KCNT2: variants seen among roughly 807,000 people sequenced by gnomAD.
KCNT2 encodes the protein potassium sodium-activated channel subfamily T member 2.
KCNT2 carries 67 observed loss-of-function variants against 153.8 expected under a neutral mutation model. That is an observed-to-expected ratio of 0.44 (90% CI 0.36 to 0.53). The LOEUF is 0.53. KCNT2 is among the 20% of genes least tolerant of loss of function. KCNT2 has a pLI of 0.00. For missense variants in KCNT2, 975 were observed against 1,354.8 expected, an observed-to-expected ratio of 0.72 and a Z score of 4.40; for synonymous variants, 500 against 458.8, an observed-to-expected ratio of 1.09 and a Z score of -1.15.
At chr1:196,525,566 T>C (rs1654067945) in intron 1 of KCNT2, among the ~76,000 whole-genome samples, 1 of 152,212 alleles carries the variant, frequency 6.6e-6, no homozygotes, top group Non-Finnish European at 1.5e-5. Context: ...AATCTGTATA[T>C]GGGCCTGCTC....
chr1:196,285,019 A>G (rs1392690375), intron 23 of KCNT2, among the ~76,000 whole-genome samples: 2 of 152,216 alleles, frequency 1.3e-5, no homozygotes, highest in African/African-American at 4.8e-5. Flanking sequence ...GATTACTTGA[A>G]TCAGAAAAAA....
chr1:196,518,846 G>A (rs1652961976), intron 1 of KCNT2, among the ~76,000 whole-genome samples: 1 of 152,090 alleles, frequency 6.6e-6, no homozygotes, highest in Non-Finnish European at 1.5e-5. Context: ...AATAGCGGGA[G>A]ACATCAACAC....
intron 1 of KCNT2, among the ~76,000 whole-genome samples, chr1:196,574,810 TA>T (rs943531007): frequency 2.0e-5 from 3 of 151,974 alleles, no homozygotes; most frequent in African/African-American, 7.2e-5. Context: ...ATTACAATCT[TA>T]AAACATACAT....
chr1:196,396,652 A>T (rs1218072068), intron 13 of KCNT2, among the ~76,000 whole-genome samples: 1 of 151,686 alleles, frequency 6.6e-6, no homozygotes, highest in Non-Finnish European at 1.5e-5. Context: ...AGATCCTCTG[A>T]AATGTAATCT....
chr1:196,421,301 G>C (rs552124991), intron 12 of KCNT2, among the ~76,000 whole-genome samples: 1 of 152,034 alleles, frequency 6.6e-6, no homozygotes, highest in Middle Eastern at 3.4e-3. Context: ...ACATTACAAA[G>C]GGTACTCTAG....
At chr1:196,517,409 C>A (rs1196959462) in intron 1 of KCNT2, among the ~76,000 whole-genome samples, 1 of 152,176 alleles carries the variant, frequency 6.6e-6, no homozygotes, top group Non-Finnish European at 1.5e-5. Context: ...GACAAGGGTT[C>A]TTAACCAGCC....
Position 196,326,759 on chromosome 1 carries a change from G to T in KCNT2, c.2234C>A (p.Pro745Gln). The change falls in exon 19 of 28, where the codon CCA becomes CAA. Residue 745 changes from proline to glutamine, a missense_variant. By Grantham distance (76) the Pro-to-Gln change is moderately conservative. Coordinates refer to ENST00000294725, the MANE Select transcript of KCNT2 (RefSeq NM_198503.5). The stretch of plus-strand genomic sequence containing the variant: ...TACTATGGGATTAAGTTCTTTCTTT[G>T]GTCTATAATATGCCCTGAGAGGAAC... ...FIVPLRAYYR[P>Q]KKELNPIVLL... The T allele has an allele frequency of 1.9e-6, 3 of 1,559,162 alleles. No individual in the cohort carries two copies. Among genetic ancestry groups the T allele is most frequent in the Non-Finnish European group, 2.6e-6 (3 of 1,159,308 alleles).
chr1:196,380,117 A>C (rs1433247231), intron 13 of KCNT2, among the ~76,000 whole-genome samples: 1 of 152,216 alleles, frequency 6.6e-6, no homozygotes, highest in Non-Finnish European at 1.5e-5. Context: ...AAGAATGCTC[A>C]TGTGTATGCC....
At chr1:196,435,528 T>C (rs564512525) in intron 8 of KCNT2, among the ~76,000 whole-genome samples, 1 of 151,774 alleles carries the variant, frequency 6.6e-6, no homozygotes, top group East Asian at 2.0e-4. Context: ...ATAAGATATA[T>C]TTATTTTAGT....
At chr1:196,408,898 C>G (rs541584522) in intron 12 of KCNT2, among the ~76,000 whole-genome samples, 11 of 151,444 alleles carry the variant, frequency 7.3e-5, no homozygotes, top group Admixed American at 5.3e-4. Context: ...ATAGTGTGTT[C>G]AAGTTTGTTA....
At chr1:196,258,652 TA>T in intron 25 of KCNT2, 158 bp from the exon 26 acceptor site, 1 of 693,918 alleles carries the variant, frequency 1.4e-6, no homozygotes, top group Non-Finnish European at 2.5e-6. Flanking sequence ...TTTCCATTAC[TA>T]AAAATATTAA....
chr1:196,243,955 G>A (rs1430836519), intron 26 of KCNT2, among the ~76,000 whole-genome samples: 3 of 151,898 alleles, frequency 2.0e-5, no homozygotes, highest in East Asian at 2.0e-4. Flanking sequence ...TGCTTGAGGG[G>A]ACGAAAGAGT....
In KCNT2 at chr1:196,571,761, AT is replaced by A. The variant is rs1660805028; in HGVS notation, c.95+36453del. Among the ~76,000 whole-genome samples, 3 of 152,184 alleles carry A rather than the reference AT, an allele frequency of 2.0e-5. No individual in the cohort carries two copies. In the South Asian group the frequency reaches 6.2e-4, roughly 32 times the overall value. On this transcript the variant is annotated intron_variant, in intron 1 of 27. Transcript: ENST00000294725. ...TCATTATTCCCCTAGACATGCAGAA[AT>A]TCTTCCACAGAAAGGGTCAGCTCAG...
At chr1:196,357,352 T>A (rs964141223) in intron 14 of KCNT2, among the ~76,000 whole-genome samples, 1 of 151,988 alleles carries the variant, frequency 6.6e-6, no homozygotes, top group Non-Finnish European at 1.5e-5. Flanking sequence ...TATTGCTCTA[T>A]ATTATGACAT....
At chr1:196,260,763 T>TAAATAC (rs1656938030) in intron 25 of KCNT2, among the ~76,000 whole-genome samples, 1 of 151,796 alleles carries the variant, frequency 6.6e-6, no homozygotes, top group Non-Finnish European at 1.5e-5. Context: ...CAAATTTGAG[T>TAAATAC]TCTGTTTTGA....
intron 1 of KCNT2, among the ~76,000 whole-genome samples, chr1:196,518,004 C>T (rs1156505185): frequency 6.6e-6 from 1 of 152,048 alleles, no homozygotes; most frequent in Non-Finnish European, 1.5e-5. Context: ...ATATTAAAGG[C>T]AGCTAGAGAG....
intron 25 of KCNT2, among the ~76,000 whole-genome samples, chr1:196,277,729 T>G (rs1420851902): frequency 2.6e-5 from 4 of 152,198 alleles, no homozygotes; most frequent in African/African-American, 7.2e-5. Flanking sequence ...TAATGGTTAT[T>G]TAAATTTCAA....
intron 27 of KCNT2, among the ~76,000 whole-genome samples, chr1:196,234,350 T>G (rs1654226671): frequency 6.6e-6 from 1 of 151,446 alleles, no homozygotes; most frequent in Non-Finnish European, 1.5e-5. Context: ...CAACATTTTT[T>G]TTTTATTTTT....
At chr1:196,385,877 C>A (rs920317712) in intron 13 of KCNT2, among the ~76,000 whole-genome samples, 4 of 151,932 alleles carry the variant, frequency 2.6e-5, no homozygotes, top group Admixed American at 2.6e-4. Context: ...CCCCAAATAA[C>A]TCTTACATGC....
Sources: gnomAD v4.1 joint callset for allele counts (sites outside exome capture counted in the v4.1 genomes callset) on GRCh38, gnomAD v4.1.1 for gene constraint, MANE v1.5 for transcripts, NCBI Gene and HGNC (gene_info 2026-07-23, HGNC 2026-07-21) for gene names.